SMYD3: variants seen among roughly 807,000 people sequenced by gnomAD.
SMYD3 encodes SET and MYND domain containing 3.
A neutral mutation model predicts 57.7 loss-of-function variants in SMYD3; 36 were observed. The observed-to-expected ratio is 0.62, with a 90% confidence interval of 0.48 to 0.82. The LOEUF is 0.82. Among genes scored for constraint, SMYD3 ranks in the 40% least tolerant of loss-of-function variants. The pLI is 0.00. For missense variants in SMYD3, 515 were observed against 538.8 expected, an observed-to-expected ratio of 0.96 and a Z score of 0.44; for synonymous variants, 211 against 195.0, an observed-to-expected ratio of 1.08 and a Z score of -0.68.
At position 246,116,878 on chromosome 1, in the gene SMYD3, A is replaced by C. The variant is rs1572052626; in HGVS notation, c.532-186941T>G. On this transcript the variant is annotated intron_variant, in intron 5 of 11. Coordinates refer to ENST00000490107, the MANE Select transcript of SMYD3 (RefSeq NM_001167740.2). Reference sequence around the variant, plus strand: ...TTTCACAGGCAATACTTTAAAAATAAAACAAAAAAATTAGACTGCTAACTG... The same window carrying C: ...TTTCACAGGCAATACTTTAAAAATACAACAAAAAAATTAGACTGCTAACTG... 2.0e-5 allele frequency among the ~76,000 whole-genome samples: 3 copies of C among 152,308 alleles called. No homozygotes were observed. The East Asian group carries it at 5.8e-4, about 29-fold the overall frequency.
chr1:245,929,284 A>G (rs2056575464), intron 6 of SMYD3, among the ~76,000 whole-genome samples: 1 of 152,264 alleles, frequency 6.6e-6, no homozygotes, highest in South Asian at 2.1e-4. Context: ...CAATTATTAG[A>G]AAGTCTAAAT....
intron 10 of SMYD3, among the ~76,000 whole-genome samples, chr1:245,800,439 A>G (rs2047803587): frequency 6.6e-6 from 1 of 152,092 alleles, no homozygotes; most frequent in Non-Finnish European, 1.5e-5. Flanking sequence ...TTTTTTTTTA[A>G]ATAATGCTAT....
At chr1:246,143,948 C>T (rs1467712754) in intron 5 of SMYD3, among the ~76,000 whole-genome samples, 1 of 152,176 alleles carries the variant, frequency 6.6e-6, no homozygotes, top group Admixed American at 6.5e-5. Flanking sequence ...GCCAGGCACT[C>T]GTTTCCTCAC....
intron 5 of SMYD3, among the ~76,000 whole-genome samples, chr1:246,103,184 G>T (rs1433439073): frequency 6.6e-6 from 1 of 152,140 alleles, no homozygotes; most frequent in Non-Finnish European, 1.5e-5. Flanking sequence ...GTCTATATCA[G>T]AAAACTGTCA....
rs376377352 is a variant in SMYD3, at chr1:246,082,358, C to T, written c.532-152421G>A. Among the ~76,000 whole-genome samples the T allele has an allele frequency of 3.8e-4, 58 of 152,276 alleles. No homozygotes were observed. The South Asian group carries it at 1.0e-2, about 26-fold the overall frequency. ...ATTGTAGTACCTAAGATTGGTCTTT[C>T]GAAACGTTTTTCAGACGTTAGCATG... On this transcript the variant is annotated intron_variant, in intron 5 of 11. Transcript: ENST00000490107.
intron 10 of SMYD3, among the ~76,000 whole-genome samples, chr1:245,847,584 CT>C (rs1222184223): frequency 6.6e-6 from 1 of 151,570 alleles, no homozygotes; most frequent in Non-Finnish European, 1.5e-5. Context: ...AATGGGATTT[CT>C]TTTTTTCCTA....
At chr1:246,396,804 C>T (rs1449994216) in intron 1 of SMYD3, among the ~76,000 whole-genome samples, 1 of 152,118 alleles carries the variant, frequency 6.6e-6, no homozygotes, top group Non-Finnish European at 1.5e-5. Context: ...GTATGTTTCC[C>T]AAGGAAGCAG....
intron 5 of SMYD3, among the ~76,000 whole-genome samples, chr1:246,260,711 G>A (rs562050012): frequency 7.2e-5 from 11 of 151,934 alleles, no homozygotes; most frequent in African/African-American, 1.2e-4. Context: ...ATTACCAGGC[G>A]TGAGCCACTG....
At chr1:245,868,784 C>T (rs1008048930) in intron 8 of SMYD3, among the ~76,000 whole-genome samples, 1 of 152,176 alleles carries the variant, frequency 6.6e-6, no homozygotes, top group Non-Finnish European at 1.5e-5. Context: ...CTTCCCCTGA[C>T]CCTACCCATC....
intron 5 of SMYD3, among the ~76,000 whole-genome samples, chr1:246,199,379 A>G (rs2062875362): frequency 6.6e-6 from 1 of 152,232 alleles, no homozygotes. Context: ...CACTGGATAT[A>G]TAAAGAATAA....
At chr1:246,287,678 A>T (rs1169215583) in intron 5 of SMYD3, among the ~76,000 whole-genome samples, 1 of 152,082 alleles carries the variant, frequency 6.6e-6, no homozygotes, top group Non-Finnish European at 1.5e-5. Flanking sequence ...CTTACACCTG[A>T]CCCTGTCTCT....
chr1:246,506,992 C>CCCCCCCCCCCCG, intron 1 of SMYD3, 62 bp downstream of exon 1: 1 of 859,486 alleles, frequency 1.2e-6, no homozygotes, highest in Non-Finnish European at 1.6e-6. Flanking sequence ...GCCCGACGCC[C>CCCCCCCCCCCCG]CCCCCTCCCC....
chr1:246,495,159 C>A (rs1166566490), intron 1 of SMYD3, among the ~76,000 whole-genome samples: 1 of 151,860 alleles, frequency 6.6e-6, no homozygotes, highest in Non-Finnish European at 1.5e-5. Flanking sequence ...ACCATCCTGG[C>A]TAACACGGTG....
Position 246,078,720 on chromosome 1 carries a change from G to A in SMYD3, c.532-148783C>T, listed in dbSNP as rs958091644. On this transcript the variant is annotated intron_variant, in intron 5 of 11. Transcript: ENST00000490107. ...TAATGGTGGCCTCAATTAAGGGACT[G>A]GCAGTGTGGCTGAAGAAAAACACCT... 3.4e-4 allele frequency among the ~76,000 whole-genome samples: 52 copies of A among 152,328 alleles called. 1 individual carries two copies. Among genetic ancestry groups the A allele is most frequent in the African/African-American group, 1.2e-3 (50 of 41,576 alleles).
chr1:246,271,833 C>T (rs903053628), intron 5 of SMYD3, among the ~76,000 whole-genome samples: 3 of 152,078 alleles, frequency 2.0e-5, no homozygotes, highest in African/African-American at 7.2e-5. Flanking sequence ...TGCAAAAAAA[C>T]ATCATTGCGA....
chr1:246,244,624 G>A (rs2063672035), intron 5 of SMYD3, among the ~76,000 whole-genome samples: 1 of 152,080 alleles, frequency 6.6e-6, no homozygotes, highest in African/African-American at 2.4e-5. Context: ...AGTCTGTTAT[G>A]GCAGATATAA....
At chr1:246,000,671 T>C (rs532064856) in intron 5 of SMYD3, among the ~76,000 whole-genome samples, 20 of 152,290 alleles carry the variant, frequency 1.3e-4, no homozygotes, top group South Asian at 4.2e-4. Context: ...CCAAAACAGT[T>C]ATTAAGGAGT....
At chr1:246,354,069 T>C (rs1364987376) in intron 2 of SMYD3, among the ~76,000 whole-genome samples, 1 of 152,094 alleles carries the variant, frequency 6.6e-6, no homozygotes, top group Non-Finnish European at 1.5e-5. Flanking sequence ...GGCCTAAATT[T>C]AAAAGAAGGA....
chr1:246,003,443 T>C (rs1413548890), intron 5 of SMYD3, among the ~76,000 whole-genome samples: 1 of 152,236 alleles, frequency 6.6e-6, no homozygotes, highest in Non-Finnish European at 1.5e-5. Flanking sequence ...TATTGAGGAA[T>C]ATGGACAGCT....
Sources: gnomAD v4.1 joint callset for allele counts (sites outside exome capture counted in the v4.1 genomes callset) on GRCh38, gnomAD v4.1.1 for gene constraint, MANE v1.5 for transcripts, NCBI Gene and HGNC (gene_info 2026-07-23, HGNC 2026-07-21) for gene names.